The following SNX9 variants were observed in gnomAD, a reference collection of about 807,000 sequenced individuals.
SNX9 encodes sorting nexin-9.
A neutral mutation model predicts 89.4 loss-of-function variants in SNX9; 44 were observed. That is an observed-to-expected ratio of 0.49 (90% CI 0.39 to 0.63). The LOEUF (loss-of-function observed/expected upper bound fraction) is 0.63. Among genes scored for constraint, SNX9 ranks in the 30% least tolerant of loss-of-function variants. The probability of loss-of-function intolerance (pLI) is 0.00; values close to 1 mark genes in which losing one functional copy is unlikely to be tolerated. For missense variants in SNX9, 578 were observed against 736.1 expected (o/e 0.79, Z 2.49); for synonymous variants, 236 against 247.8 (o/e 0.95, Z 0.45).
At position 157,942,951 on chromosome 6, in the gene SNX9, G is replaced by T. The variant is rs192587225; in HGVS notation, c.*113G>T. The T allele has an allele frequency of 8.2e-5, 95 of 1,164,256 alleles. No homozygotes were observed. In the African/African-American group the frequency reaches 1.1e-3, roughly 13 times the overall value. 72.1% of individuals were successfully genotyped at this position (1,164,256 alleles called of 1,614,324 possible). On this transcript the variant is annotated 3_prime_UTR_variant, in exon 18 of 18. Coordinates refer to ENST00000392185, the MANE Select transcript of SNX9 (RefSeq NM_016224.5). ...AAAAAAAAGGAAACAAAACCAAAAA[G>T]AAAGAGTTGCAAAAAACTGCATTTA...
chr6:157,888,560 T>C (rs530744939), intron 4 of SNX9, among the ~76,000 whole-genome samples: 7 of 152,344 alleles, frequency 4.6e-5, no homozygotes, highest in African/African-American at 1.7e-4. Context: ...GGGCACCTTT[T>C]TTATTTTAAG....
At position 157,832,621 on chromosome 6, in the gene SNX9, A is replaced by G. The variant is rs184378162; in HGVS notation, c.12+9175A>G. Among the ~76,000 whole-genome samples the G allele has an allele frequency of 3.3e-5, 5 of 152,358 alleles. No homozygotes were observed. The East Asian group carries it at 5.8e-4, about 18-fold the overall frequency. On this transcript the variant is annotated intron_variant, in intron 1 of 17. Transcript: ENST00000392185. Reference sequence around the variant, plus strand: ...CTGGAGAGGCCTCAGGAAGCTTACAAATCCATGGTGGAAGGGGAAGCAAAC... The same window carrying G: ...CTGGAGAGGCCTCAGGAAGCTTACAGATCCATGGTGGAAGGGGAAGCAAAC...
intron 1 of SNX9, among the ~76,000 whole-genome samples, chr6:157,826,056 T>C (rs1215203003): frequency 6.6e-6 from 1 of 152,238 alleles, no homozygotes; most frequent in Non-Finnish European, 1.5e-5. Context: ...TATCTTCAGA[T>C]ACAATTTTCT....
intron 9 of SNX9, among the ~76,000 whole-genome samples, chr6:157,916,312 G>A (rs1442017728): frequency 1.3e-5 from 2 of 152,176 alleles, no homozygotes; most frequent in Non-Finnish European, 1.5e-5. Context: ...GGGATTACAG[G>A]CGTGAGCCAC....
intron 1 of SNX9, among the ~76,000 whole-genome samples, chr6:157,865,269 G>C (rs1782235358): frequency 6.6e-6 from 1 of 151,198 alleles, no homozygotes; most frequent in South Asian, 2.1e-4. Flanking sequence ...AACCCAGGAG[G>C]CAGAGGTTGC....
At chr6:157,826,767 G>GATATATAAATATATTATATTTTATATA (rs1781353180) in intron 1 of SNX9, among the ~76,000 whole-genome samples, 1 of 101,186 alleles carries the variant, frequency 9.9e-6, no homozygotes, top group African/African-American at 5.8e-5. Flanking sequence ...ATATATATAT[G>GATATATAAATATATTATATTTTATATA]ATATATAAAT....
chr6:157,889,382 G>A (rs1252687927), intron 4 of SNX9, among the ~76,000 whole-genome samples: 4 of 132,380 alleles, frequency 3.0e-5, no homozygotes, highest in Non-Finnish European at 6.2e-5. Context: ...AGTGAGCCGA[G>A]ATCACACCAC....
At chr6:157,918,392 G>A (rs1218522808) in intron 9 of SNX9, among the ~76,000 whole-genome samples, 1 of 152,112 alleles carries the variant, frequency 6.6e-6, no homozygotes, top group East Asian at 1.9e-4. Context: ...GTGTTAAAGT[G>A]TACTTGTCTA....
At chr6:157,889,861 TCA>T (rs1782820454) in intron 4 of SNX9, among the ~76,000 whole-genome samples, 1 of 152,228 alleles carries the variant, frequency 6.6e-6, no homozygotes, top group Admixed American at 6.5e-5. Context: ...AGATGAGCCC[TCA>T]CATATTAAGA....
chr6:157,939,876 G>A (rs1046089479), intron 16 of SNX9, among the ~76,000 whole-genome samples: 4 of 152,076 alleles, frequency 2.6e-5, no homozygotes, highest in African/African-American at 9.7e-5. Flanking sequence ...TTCTCAGCCT[G>A]GAGGGTTTGG....
intron 7 of SNX9, among the ~76,000 whole-genome samples, chr6:157,908,183 C>T (rs1783258214): frequency 6.6e-6 from 1 of 151,852 alleles, no homozygotes; most frequent in Non-Finnish European, 1.5e-5. Flanking sequence ...ACAAATCTCT[C>T]TTCCTTCAGC....
intron 16 of SNX9, among the ~76,000 whole-genome samples, chr6:157,940,190 G>A (rs563243242): frequency 5.4e-4 from 83 of 152,318 alleles, no homozygotes; most frequent in African/African-American, 1.9e-3. Flanking sequence ...GCAGGAGGGA[G>A]CGGGGCAGGG....
At chr6:157,828,711 G>A (rs1781427963) in intron 1 of SNX9, among the ~76,000 whole-genome samples, 2 of 152,024 alleles carry the variant, frequency 1.3e-5, no homozygotes, top group African/African-American at 2.4e-5. Flanking sequence ...CTGAACTGAG[G>A]TGATCCTTCC....
At chr6:157,841,180 G>T (rs571166865) in intron 1 of SNX9, among the ~76,000 whole-genome samples, 1 of 152,246 alleles carries the variant, frequency 6.6e-6, no homozygotes, top group East Asian at 1.9e-4. Context: ...GAGATTCAAT[G>T]AATCTTTATT....
chr6:157,925,063 C>G (rs1005481860), intron 10 of SNX9, among the ~76,000 whole-genome samples: 1 of 152,132 alleles, frequency 6.6e-6, no homozygotes, highest in Non-Finnish European at 1.5e-5. Flanking sequence ...TACATTAGAA[C>G]TTCTTTTTTC....
At chr6:157,899,824 C>T (rs551440919) in intron 5 of SNX9, among the ~76,000 whole-genome samples, 94 of 152,192 alleles carry the variant, frequency 6.2e-4, no homozygotes, top group African/African-American at 2.2e-3. Flanking sequence ...TTGTAATATA[C>T]ATGTATATAC....
In SNX9 at chr6:157,823,424, A is replaced by G. The variant is rs888441565; in HGVS notation, c.-11A>G. 8.0e-7 allele frequency: 1 copy of G among 1,242,702 alleles called. No homozygotes were observed. Among genetic ancestry groups the G allele is most frequent in the South Asian group, 2.5e-5 (1 of 40,678 alleles). The allele number at this position is 1,242,702 out of a possible 1,614,324, so 77.0% of individuals were successfully genotyped here. On this transcript the variant is annotated 5_prime_UTR_variant, in exon 1 of 18. Transcript: ENST00000392185. This position sits in a 1 kb window ranked among gnomAD's most constrained non-coding sequence, Gnocchi z 4.6. ...CGAGCCGGCCGTCCCGGGCCGGGGG[A>G]CCCGCCCGCCATGGCCACCAAGGTG...
chr6:157,917,971 G>C (rs574702050), intron 9 of SNX9, among the ~76,000 whole-genome samples: 53 of 152,118 alleles, frequency 3.5e-4, no homozygotes, highest in South Asian at 1.7e-3. Context: ...ATTATGTTCA[G>C]AGAACATACT....
At chr6:157,907,146 G>A (rs950081976) in intron 7 of SNX9, among the ~76,000 whole-genome samples, 4 of 152,062 alleles carry the variant, frequency 2.6e-5, no homozygotes, top group African/African-American at 7.2e-5. Flanking sequence ...TAACTTCTGA[G>A]TAGTTATATT....
Sources: allele counts gnomAD v4.1 joint callset (sites outside exome capture counted in the v4.1 genomes callset), GRCh38; gene constraint gnomAD v4.1.1; non-coding constraint Gnocchi (gnomAD v3.1); transcripts MANE v1.5; gene names NCBI Gene and HGNC (gene_info 2026-07-23, HGNC 2026-07-21).